The following TOR1AIP1 variants were observed in gnomAD, a reference collection of about 807,000 sequenced individuals.
TOR1AIP1 encodes the protein torsin-1A-interacting protein 1.
Under a neutral mutation model 63.3 loss-of-function variants are expected in TOR1AIP1, and 54 were observed. The ratio of observed to expected loss-of-function variants is 0.85; its 90% confidence interval spans 0.69 to 1.07. The LOEUF (loss-of-function observed/expected upper bound fraction) is 1.07, where lower values mean the gene tolerates loss of function less well. TOR1AIP1 is among the 50% of genes least tolerant of loss of function. The probability of loss-of-function intolerance (pLI) is 0.00; values close to 1 mark genes in which losing one functional copy is unlikely to be tolerated. For missense variants in TOR1AIP1, 736 were observed against 715.0 expected (o/e 1.03, Z -0.33); for synonymous variants, 294 against 273.5 (o/e 1.07, Z -0.74).
Position 179,908,624 on chromosome 1 carries a change from TC to T in TOR1AIP1, c.862del (p.Gln288ArgfsTer10). On this transcript the variant is annotated frameshift_variant, in exon 8 of 10. Coordinates refer to ENST00000606911, the MANE Select transcript of TOR1AIP1 (RefSeq NM_015602.4). LOFTEE classifies it high-confidence loss of function. ...SVLSSGYQKT[P>X]QEWAPQTARI... ...CTTCAGGCTCAGGATATCAAAAAAC[TC>T]CCCAGGAATGGGCCCCACAAACTGC... is the stretch of plus-strand genomic sequence containing the variant. The T allele has an allele frequency of 6.2e-7, 1 of 1,613,534 alleles. No homozygotes were observed. The highest frequency in any genetic ancestry group is 8.5e-7 in the Non-Finnish European group (1 of 1,179,622).
intron 8 of TOR1AIP1, among the ~76,000 whole-genome samples, chr1:179,910,531 T>C (rs1445463357): frequency 6.6e-6 from 1 of 152,232 alleles, no homozygotes; most frequent in Non-Finnish European, 1.5e-5. Context: ...TTGGTTGTCA[T>C]TTCTTATTGC....
chr1:179,897,067 T>C (rs763203869), intron 3 of TOR1AIP1, among the ~76,000 whole-genome samples: 8 of 152,184 alleles, frequency 5.3e-5, no homozygotes, highest in Non-Finnish European at 1.0e-4. Flanking sequence ...AGTGATGGGA[T>C]CAAGATAGCA....
intron 3 of TOR1AIP1, among the ~76,000 whole-genome samples, chr1:179,892,301 G>A (rs990659349): frequency 3.3e-5 from 5 of 151,226 alleles, no homozygotes; most frequent in South Asian, 2.1e-4. Context: ...GCAAAACCCC[G>A]TCTCTACTAA....
chr1:179,907,913 C>CTTT (rs34218138), intron 7 of TOR1AIP1, 49 bp downstream of exon 7: 22,950 of 351,140 alleles, frequency 0.065, 252 homozygotes, highest in South Asian at 0.11. Context: ...ATTCTTTTCT[C>CTTT]TTTTTTTTTT....
intron 8 of TOR1AIP1, among the ~76,000 whole-genome samples, chr1:179,910,055 C>T (rs925365990): frequency 2.0e-5 from 3 of 152,198 alleles, no homozygotes; most frequent in African/African-American, 7.2e-5. Flanking sequence ...TGAGCCACCA[C>T]ACCCAGCCTC....
rs1462950339 is a variant in TOR1AIP1 at position 179,913,931 on chromosome 1, A to G, written c.908-67A>G. ...GGTGGAATTTGTATCTTCTTTGTCT[A>G]CTAGAAATAAATACTCAAATTATGA... On this transcript the variant is annotated intron_variant, in intron 8 of 9. Transcript: ENST00000606911. 2.1e-6 allele frequency: 3 copies of G among 1,404,772 alleles called. No individual in the cohort carries two copies. In the African/African-American group the frequency reaches 4.3e-5, roughly 20 times the overall value. 87.0% of individuals were successfully genotyped at this position (1,404,772 alleles called of 1,614,324 possible). A position where few individuals can be genotyped will look rare whatever the true frequency, so the allele number is the denominator to read the frequency against.
At chr1:179,906,743 C>CCTT (rs1491104735) in intron 6 of TOR1AIP1, among the ~76,000 whole-genome samples, 22 of 39,844 alleles carry the variant, frequency 5.5e-4, no homozygotes, top group South Asian at 1.6e-3. Context: ...CCCCCCCCCC[C>CCTT]TTTTTTTTTT....
At position 179,884,729 on chromosome 1, in the gene TOR1AIP1, G is replaced by A; in HGVS notation, c.513G>A (p.Thr171=). The change falls in exon 2 of 10, where the codon ACG becomes ACA. Residue 171 remains threonine (T), a synonymous_variant. Transcript: ENST00000606911. The stretch of plus-strand genomic sequence containing the variant: ...CTTCCCAAACTGATTTAAGCCAAAC[G>A]ATCTCAAAGAAAACTGTCAGGAGCA... ...EASSQTDLSQ[T]ISKKTVRSIQ... The A allele has an allele frequency of 1.9e-6, 3 of 1,611,628 alleles. No homozygotes were observed. The highest frequency in any genetic ancestry group is 1.3e-5 in the African/African-American group (1 of 74,900).
At chr1:179,896,007 CAAAA>C (rs1363757868) in intron 3 of TOR1AIP1, among the ~76,000 whole-genome samples, 17 of 151,922 alleles carry the variant, frequency 1.1e-4, no homozygotes, top group East Asian at 5.8e-4. Flanking sequence ...AGGTGAAAAA[CAAAA>C]GAGGGAAATG....
At chr1:179,885,121 A>G (rs1458015649) in intron 2 of TOR1AIP1, among the ~76,000 whole-genome samples, 1 of 152,256 alleles carries the variant, frequency 6.6e-6, no homozygotes, top group Non-Finnish European at 1.5e-5. Context: ...ATGTCAAATG[A>G]ATGAATATGT....
At position 179,882,662 on chromosome 1, in the gene TOR1AIP1, C is replaced by T. The variant is rs1647750679; in HGVS notation, c.160C>T (p.Arg54Trp). The change falls in exon 1 of 10, where the codon CGG (arginine) becomes TGG (tryptophan). Residue 54 changes from arginine to tryptophan, a missense_variant. Arg to Trp is a moderately radical substitution (Grantham distance 101). Coordinates refer to ENST00000606911, the MANE Select transcript of TOR1AIP1 (RefSeq NM_015602.4). ...CAGAACTCCTCCGTCGCGCCAGGGC[C>T]GGCGGGAAGTGAGGTTCTCGGACGA... is the stretch of plus-strand genomic sequence containing the variant. The part of the protein sequence containing the change: ...AYRTPPSRQG[R>W]REVRFSDEPP... The T allele has an allele frequency of 1.3e-6, 2 of 1,587,098 alleles. No homozygotes were observed. The highest frequency in any genetic ancestry group is 1.4e-5 in the African/African-American group (1 of 73,858).
intron 7 of TOR1AIP1, 86 bp from the exon 8 acceptor site, chr1:179,908,519 C>A: frequency 1.8e-6 from 2 of 1,082,786 alleles, no homozygotes; most frequent in Non-Finnish European, 2.7e-6. Context: ...TTTTGTCTTT[C>A]TGATAGATTA....
At chr1:179,904,891 C>T (rs1242736289) in intron 6 of TOR1AIP1, 2 of 152,218 alleles carry the variant, frequency 1.3e-5, no homozygotes, top group Non-Finnish European at 2.9e-5. Context: ...TCCCAAAATG[C>T]TGGGATTGCA....
chr1:179,898,757 G>A (rs545827927), intron 3 of TOR1AIP1, among the ~76,000 whole-genome samples: 13 of 152,004 alleles, frequency 8.6e-5, no homozygotes, highest in Admixed American at 5.9e-4. Flanking sequence ...AATTTTTTTC[G>A]TTTGACTTTT....
rs1649090221 is a variant in TOR1AIP1, at chr1:179,918,332, C to T, written c.*93C>T. 7.1e-6 allele frequency: 9 copies of T among 1,259,608 alleles called. No individual in the cohort carries two copies. The highest frequency in any genetic ancestry group is 8.6e-6 in the Non-Finnish European group (8 of 930,810). 78.0% of individuals were successfully genotyped at this position (1,259,608 alleles called of 1,614,324 possible). On this transcript the variant is annotated 3_prime_UTR_variant, in exon 10 of 10. Coordinates refer to ENST00000606911, the MANE Select transcript of TOR1AIP1 (RefSeq NM_015602.4). ...GAATTCAGAGCTCTTTTTGAAAGAA[C>T]TAGTTTCTTTTTAAAGAAGTTAAGT...
chr1:179,911,812 T>C, intron 8 of TOR1AIP1, among the ~76,000 whole-genome samples: 1 of 152,114 alleles, frequency 6.6e-6, no homozygotes, highest in African/African-American at 2.4e-5. Flanking sequence ...CACAATTTTT[T>C]AAAGTCTAAA....
At chr1:179,893,992 G>A (rs532946811) in intron 3 of TOR1AIP1, among the ~76,000 whole-genome samples, 38 of 152,202 alleles carry the variant, frequency 2.5e-4, no homozygotes, top group African/African-American at 7.5e-4. Context: ...GGCCGGGCAC[G>A]GTGGCTCACA....
chr1:179,892,675 T>G (rs1648133644), intron 3 of TOR1AIP1, among the ~76,000 whole-genome samples: 1 of 150,194 alleles, frequency 6.7e-6, no homozygotes, highest in Non-Finnish European at 1.5e-5. Context: ...GAGGTGGTGC[T>G]TGCAGTGAGC....
In TOR1AIP1 at chr1:179,920,025, T is replaced by C. The variant is rs892210079; in HGVS notation, c.*1786T>C. The C allele has an allele frequency of 6.6e-6, 1 of 152,248 alleles. No homozygotes were observed. The highest frequency in any genetic ancestry group is 1.5e-5 in the Non-Finnish European group (1 of 68,044). The allele number at this position is 152,248 out of a possible 1,614,324, so 9.4% of individuals were successfully genotyped here. ...ATAGCAGCTGATCTGTAAATGACTTTAAAAGCTATTTTAGTAATTTAAATA... is the reference window on the plus strand; with the variant it reads ...ATAGCAGCTGATCTGTAAATGACTTCAAAAGCTATTTTAGTAATTTAAATA... On this transcript the variant is annotated 3_prime_UTR_variant, in exon 10 of 10. Transcript: ENST00000606911.
Sources: allele counts gnomAD v4.1 joint callset (sites outside exome capture counted in the v4.1 genomes callset), GRCh38; gene constraint gnomAD v4.1.1; transcripts MANE v1.5; gene names NCBI Gene and HGNC (gene_info 2026-07-23, HGNC 2026-07-21).